ZNF469: variants seen among roughly 807,000 people sequenced by gnomAD.
ZNF469 encodes zinc finger protein 469.
ZNF469 carries 1 observed loss-of-function variant against 1.0 expected under a neutral mutation model. The ratio of observed to expected loss-of-function variants is 1.00; its 90% CI spans 0.35 to 4.73. The LOEUF (loss-of-function observed/expected upper bound fraction) is 4.73. Among genes scored for constraint, ZNF469 ranks in the 30% most tolerant of loss-of-function variants. The pLI is 0.16. For missense variants in ZNF469, 6,100 were observed against 5,356.3 expected (o/e 1.14, Z -4.33); for synonymous variants, 2,703 against 2,363.4 (o/e 1.14, Z -4.17).
At chr16:88,331,749 C>CCAT in the ZNF469 span, among the ~76,000 whole-genome samples, 4 of 150,762 alleles carry the variant, frequency 2.7e-5, no homozygotes, top group Non-Finnish European at 4.4e-5. Context: ...ATCATCACCA[C>CCAT]CATCATCATC....
the ZNF469 span, among the ~76,000 whole-genome samples, chr16:88,311,079 A>G: frequency 6.6e-6 from 1 of 152,174 alleles, no homozygotes; most frequent in South Asian, 2.1e-4. Flanking sequence ...GGATCTTGAC[A>G]GTTTTGAGGA....
rs755296624 is a variant in ZNF469 at position 88,405,346 on chromosome 16, G to A, written c.-191-19461G>A. The stretch of plus-strand genomic sequence containing the variant: ...TGTTTTTAAAATATTAGAAGTGCAC[G>A]AGAATATCCAAGCTTCTGTTGGAAA... On this transcript the variant is annotated intron_variant, in intron 1 of 2. Coordinates refer to ENST00000565624, the MANE Select transcript of ZNF469 (RefSeq NM_001367624.2). Among the ~76,000 whole-genome samples the A allele has an allele frequency of 8.0e-4, 122 of 152,196 alleles. 1 individual carries two copies. Among genetic ancestry groups the A allele is most frequent in the African/African-American group, 2.5e-3 (102 of 41,446 alleles).
chr16:88,262,916 A>G, the ZNF469 span, among the ~76,000 whole-genome samples: 4 of 152,220 alleles, frequency 2.6e-5, no homozygotes, highest in Non-Finnish European at 4.4e-5. This position sits in a 1 kb window ranked among gnomAD's most constrained non-coding sequence, Gnocchi z 4.3. Flanking sequence ...ACAGCCTCCT[A>G]CGGATGAGCT....
the ZNF469 span, among the ~76,000 whole-genome samples, chr16:88,170,085 G>C: frequency 2.0e-5 from 3 of 152,224 alleles, no homozygotes; most frequent in Admixed American, 2.0e-4. The surrounding 1 kb of genome is among the most constrained non-coding windows in gnomAD (Gnocchi z 4.2). Context: ...CTGTGTGACT[G>C]TGGGTGAGTC....
chr16:88,268,035 G>A, the ZNF469 span, among the ~76,000 whole-genome samples: 1 of 152,036 alleles, frequency 6.6e-6, no homozygotes, highest in Non-Finnish European at 1.5e-5. Context: ...TCCAGCAGGT[G>A]TGCAGTGGGC....
chr16:88,156,967 T>C, the ZNF469 span, among the ~76,000 whole-genome samples: 3,280 of 152,304 alleles, frequency 0.022, 124 homozygotes, highest in African/African-American at 0.075. Flanking sequence ...GCACAAAATG[T>C]CCTTGGTAAC....
At chr16:88,184,508 T>C in the ZNF469 span, among the ~76,000 whole-genome samples, 1 of 151,956 alleles carries the variant, frequency 6.6e-6, no homozygotes, top group East Asian at 1.9e-4. Flanking sequence ...TGTTTGTCTC[T>C]TCTCACTACT....
the ZNF469 span, among the ~76,000 whole-genome samples, chr16:88,357,824 G>A: frequency 6.6e-6 from 1 of 152,234 alleles, no homozygotes; most frequent in African/African-American, 2.4e-5. Flanking sequence ...GTTATTAAGC[G>A]AGTGACTCAG....
At chr16:88,263,709 A>T in the ZNF469 span, among the ~76,000 whole-genome samples, 20 of 152,232 alleles carry the variant, frequency 1.3e-4, no homozygotes, top group Admixed American at 2.0e-4. Context: ...CCCTTGCAGC[A>T]GCAGCAGGGG....
At chr16:88,120,155 C>T in the ZNF469 span, among the ~76,000 whole-genome samples, 2 of 152,322 alleles carry the variant, frequency 1.3e-5, no homozygotes, top group African/African-American at 2.4e-5. Flanking sequence ...CATTCTCCAG[C>T]TTCCCGGCTT....
the ZNF469 span, among the ~76,000 whole-genome samples, chr16:88,313,047 C>T: frequency 5.9e-5 from 9 of 152,178 alleles, no homozygotes; most frequent in African/African-American, 2.2e-4. Flanking sequence ...TTGTTATTAT[C>T]GTGGCTCCTG....
the ZNF469 span, among the ~76,000 whole-genome samples, chr16:88,136,772 G>A: frequency 1.9e-3 from 282 of 152,336 alleles, 3 homozygotes; most frequent in African/African-American, 6.4e-3. Context: ...AAGATTAGAC[G>A]ATTCTCATGT....
At chr16:88,226,373 G>A in the ZNF469 span, among the ~76,000 whole-genome samples, 2 of 152,048 alleles carry the variant, frequency 1.3e-5, no homozygotes, top group African/African-American at 4.8e-5. Flanking sequence ...CACGTGCAGC[G>A]GGAGGCAGAG....
the ZNF469 span, among the ~76,000 whole-genome samples, chr16:88,328,835 A>C: frequency 6.6e-6 from 1 of 152,162 alleles, no homozygotes; most frequent in Non-Finnish European, 1.5e-5. Flanking sequence ...AGGTGTCCAG[A>C]GAAAACAGCT....
chr16:88,153,032 G>A, the ZNF469 span, among the ~76,000 whole-genome samples: 4,624 of 152,260 alleles, frequency 0.03, 218 homozygotes, highest in African/African-American at 0.1. Flanking sequence ...GTTCTGCACT[G>A]TATGGGGGGT....
chr16:88,112,847 A>G, the ZNF469 span, among the ~76,000 whole-genome samples: 1 of 126,616 alleles, frequency 7.9e-6, no homozygotes, highest in African/African-American at 3.0e-5. Flanking sequence ...GCACGATCTC[A>G]GCTCACTGCA....
the ZNF469 span, among the ~76,000 whole-genome samples, chr16:88,208,415 G>A: frequency 6.7e-6 from 1 of 148,484 alleles, no homozygotes. Context: ...TACTACTGGG[G>A]TGCCTCGGTG....
chr16:88,138,045 G>A, the ZNF469 span, among the ~76,000 whole-genome samples: 1 of 152,258 alleles, frequency 6.6e-6, no homozygotes, highest in East Asian at 1.9e-4. Context: ...CCGGTCCAAG[G>A]GAGTGCCCAT....
At chr16:88,335,798 C>A in the ZNF469 span, among the ~76,000 whole-genome samples, 3 of 152,336 alleles carry the variant, frequency 2.0e-5, no homozygotes, top group East Asian at 5.8e-4. Flanking sequence ...GCACATTCGT[C>A]CTTCACGTGA....
Sources: allele counts gnomAD v4.1 joint callset (sites outside exome capture counted in the v4.1 genomes callset), GRCh38; gene constraint gnomAD v4.1.1; non-coding constraint Gnocchi (gnomAD v3.1); transcripts MANE v1.5; gene names NCBI Gene and HGNC (gene_info 2026-07-23, HGNC 2026-07-21).